The following NXPH1 variants were observed in gnomAD, a reference collection of about 807,000 sequenced individuals.
NXPH1 encodes the protein neurexophilin 1, also known as neurexophilin-1.
A neutral mutation model predicts 23.7 loss-of-function variants in NXPH1; 5 were observed. The observed-to-expected ratio is 0.21, with a 90% CI of 0.11 to 0.44. NXPH1 has a LOEUF of 0.44. Among genes scored for constraint, NXPH1 ranks in the 20% least tolerant of loss-of-function variants. The probability of loss-of-function intolerance (pLI) is 0.99; values close to 1 mark genes in which losing one functional copy is unlikely to be tolerated. For missense variants in NXPH1, 324 were observed against 321.6 expected, an observed-to-expected ratio of 1.01 and a Z score of -0.06; for synonymous variants, 144 against 122.2, an observed-to-expected ratio of 1.18 and a Z score of -1.18.
chr7:8,711,146 A>G (rs1413049814), intron 2 of NXPH1, among the ~76,000 whole-genome samples: 1 of 152,158 alleles, frequency 6.6e-6, no homozygotes, highest in Non-Finnish European at 1.5e-5. Context: ...ATTTCCAAGT[A>G]ATGACTGCCT....
chr7:8,543,101 T>C (rs1383095049), intron 2 of NXPH1, among the ~76,000 whole-genome samples: 2 of 151,582 alleles, frequency 1.3e-5, no homozygotes, highest in Non-Finnish European at 1.5e-5. Context: ...TATTTTGAAA[T>C]TGGTTCTACC....
intron 2 of NXPH1, among the ~76,000 whole-genome samples, chr7:8,604,097 T>C (rs1191829938): frequency 6.6e-6 from 1 of 152,136 alleles, no homozygotes; most frequent in Non-Finnish European, 1.5e-5. Context: ...GATGGTTCTA[T>C]CCTTTCTTCT....
chr7:8,747,658 A>G lies in NXPH1; in HGVS notation c.55-3350A>G, dbSNP rs143505676. ...GCAAAAGCCAGAGAAGAGGATACACATGTATTTGTTTTATACTGAGGCATA... is the reference window on the plus strand; with the variant it reads ...GCAAAAGCCAGAGAAGAGGATACACGTGTATTTGTTTTATACTGAGGCATA... On this transcript the variant is annotated intron_variant, in intron 2 of 2. Coordinates refer to ENST00000405863, the MANE Select transcript of NXPH1 (RefSeq NM_152745.3). Among the ~76,000 whole-genome samples, 273 of 152,334 alleles carry G rather than the reference A, an allele frequency of 1.8e-3. 1 individual carries two copies. The highest frequency in any genetic ancestry group is 6.3e-3 in the African/African-American group (262 of 41,592).
chr7:8,463,903 C>G (rs1816734207), intron 2 of NXPH1, among the ~76,000 whole-genome samples: 1 of 152,158 alleles, frequency 6.6e-6, no homozygotes, highest in Admixed American at 6.5e-5. Context: ...ATTATTTCTC[C>G]TACTCCATAT....
At chr7:8,703,713 C>A (rs572333767) in intron 2 of NXPH1, among the ~76,000 whole-genome samples, 2 of 152,250 alleles carry the variant, frequency 1.3e-5, no homozygotes, top group East Asian at 3.9e-4. Flanking sequence ...AGGGCAAACT[C>A]CTTTCTTTAA....
rs948238003 is a variant in NXPH1, at chr7:8,438,914, GC to G, written c.54+3150del. ...TTAATGGGAAACTAATTAGATATGT[GC>G]CCACAGAGTTACCTTCTGAAGCATG... is the stretch of plus-strand genomic sequence containing the variant. On this transcript the variant is annotated intron_variant, in intron 2 of 2. Transcript: ENST00000405863. 7.2e-5 allele frequency among the ~76,000 whole-genome samples: 11 copies of G among 152,174 alleles called. 2 individuals carry two copies. Among genetic ancestry groups the G allele is most frequent in the Admixed American group, 1.3e-4 (2 of 15,294 alleles).
chr7:8,731,378 TG>T (rs1312291558), intron 2 of NXPH1, among the ~76,000 whole-genome samples: 1 of 152,250 alleles, frequency 6.6e-6, no homozygotes, highest in Non-Finnish European at 1.5e-5. Flanking sequence ...GTTCCCTTGC[TG>T]GGGAGGAACT....
chr7:8,487,185 T>C (rs1019471981), intron 2 of NXPH1, among the ~76,000 whole-genome samples: 1 of 152,182 alleles, frequency 6.6e-6, no homozygotes, highest in Non-Finnish European at 1.5e-5. Context: ...GTTCACTGGT[T>C]TGTATGATGG....
chr7:8,505,702 A>T (rs550045801), intron 2 of NXPH1, among the ~76,000 whole-genome samples: 10 of 152,198 alleles, frequency 6.6e-5, no homozygotes, highest in African/African-American at 1.9e-4. Flanking sequence ...AAAGTTTTGC[A>T]TACACTGAAC....
intron 2 of NXPH1, among the ~76,000 whole-genome samples, chr7:8,541,086 G>A (rs1437800102): frequency 6.6e-6 from 1 of 151,668 alleles, no homozygotes; most frequent in Admixed American, 6.6e-5. Flanking sequence ...CACTAATGAG[G>A]AGAAAAATCA....
intron 2 of NXPH1, among the ~76,000 whole-genome samples, chr7:8,568,991 T>G (rs1308205969): frequency 6.6e-6 from 1 of 151,910 alleles, no homozygotes; most frequent in East Asian, 1.9e-4. Context: ...TTTAAAAGCC[T>G]TTAAAATATT....
chr7:8,447,642 C>G (rs1816428237), intron 2 of NXPH1, among the ~76,000 whole-genome samples: 1 of 152,186 alleles, frequency 6.6e-6, no homozygotes, highest in African/African-American at 2.4e-5. Flanking sequence ...GGATCTGCAC[C>G]TCTTGAATAA....
intron 2 of NXPH1, among the ~76,000 whole-genome samples, chr7:8,697,979 GA>G (rs1486918522): frequency 6.6e-6 from 1 of 152,176 alleles, no homozygotes; most frequent in African/African-American, 2.4e-5. Context: ...AGTGTGGCAG[GA>G]AATCATTGGT....
At chr7:8,594,147 A>G (rs919911496) in intron 2 of NXPH1, among the ~76,000 whole-genome samples, 1 of 151,808 alleles carries the variant, frequency 6.6e-6, no homozygotes, top group Non-Finnish European at 1.5e-5. Flanking sequence ...AGACCACCAC[A>G]CTCCACCCCC....
chr7:8,633,528 A>T (rs1393391333), intron 2 of NXPH1, among the ~76,000 whole-genome samples: 1 of 152,208 alleles, frequency 6.6e-6, no homozygotes, highest in African/African-American at 2.4e-5. Context: ...TGACAACCGA[A>T]TTTCTCAGTA....
At chr7:8,514,982 C>T (rs1817665647) in intron 2 of NXPH1, among the ~76,000 whole-genome samples, 2 of 152,078 alleles carry the variant, frequency 1.3e-5, no homozygotes, top group African/African-American at 2.4e-5. Flanking sequence ...ATACTTAGTG[C>T]CTTTTCTCCC....
intron 2 of NXPH1, among the ~76,000 whole-genome samples, chr7:8,736,844 C>T (rs1780265317): frequency 6.6e-6 from 1 of 152,110 alleles, no homozygotes; most frequent in Admixed American, 6.5e-5. Flanking sequence ...GGATATTTAG[C>T]TCTGCTTGTT....
intron 2 of NXPH1, among the ~76,000 whole-genome samples, chr7:8,477,630 C>T (rs6463814): frequency 0.59 from 90,262 of 151,944 alleles, 29,427 homozygotes; most frequent in African/African-American, 0.87. Flanking sequence ...TTTAATGGCA[C>T]TTTGGTGCTT....
At chr7:8,581,465 A>C (rs1818870719) in intron 2 of NXPH1, among the ~76,000 whole-genome samples, 1 of 152,132 alleles carries the variant, frequency 6.6e-6, no homozygotes, top group African/African-American at 2.4e-5. Context: ...AGTGCCACAC[A>C]GTTTTTAACA....
Sources: gnomAD v4.1 joint callset for allele counts (sites outside exome capture counted in the v4.1 genomes callset) on GRCh38, gnomAD v4.1.1 for gene constraint, MANE v1.5 for transcripts, NCBI Gene and HGNC (gene_info 2026-07-23, HGNC 2026-07-21) for gene names.